The following TMEM132D variants were observed in gnomAD, a reference collection of about 807,000 sequenced individuals.
TMEM132D encodes the protein transmembrane protein 132D.
TMEM132D carries 21 observed loss-of-function variants against 62.3 expected under a neutral mutation model. The observed-to-expected ratio is 0.34, with a 90% CI of 0.24 to 0.49. The LOEUF is 0.49. TMEM132D is among the 20% of genes least tolerant of loss of function. The pLI, the probability that TMEM132D is intolerant of heterozygous loss-of-function variation, is 0.99. For synonymous variants in TMEM132D, 621 were observed against 575.6 expected (o/e 1.08, Z -1.13); for missense variants, 1,346 against 1,402.8 (o/e 0.96, Z 0.65).
rs972297820 is a variant in TMEM132D at position 129,105,550 on chromosome 12, A to T, written c.1444-20848T>A. Reference sequence around the variant, plus strand: ...CTAATACTTAAAGTATAATAATAATAAAAAAAAAGAAAAAAAAAAGAAAAA... The same window carrying T: ...CTAATACTTAAAGTATAATAATAATTAAAAAAAAGAAAAAAAAAAGAAAAA... On this transcript the variant is annotated intron_variant, in intron 5 of 8. Coordinates refer to ENST00000422113, the MANE Select transcript of TMEM132D (RefSeq NM_133448.3). Among the ~76,000 whole-genome samples the T allele has an allele frequency of 1.1e-4, 11 of 103,276 alleles. 1 individual carries two copies. The highest frequency in any genetic ancestry group is 4.3e-3 in the Middle Eastern group (1 of 234). 67.8% of individuals were successfully genotyped at this position (103,276 alleles called of 152,430 possible). A position where few individuals can be genotyped will look rare whatever the true frequency, so the allele number is the denominator to read the frequency against.
chr12:129,464,716 T>C (rs1313322608), intron 3 of TMEM132D, among the ~76,000 whole-genome samples: 1 of 152,226 alleles, frequency 6.6e-6, no homozygotes, highest in African/African-American at 2.4e-5. Context: ...CAGCACCATT[T>C]ATTAAATAGG....
chr12:129,812,564 C>T (rs1872218931), intron 1 of TMEM132D, among the ~76,000 whole-genome samples: 1 of 151,848 alleles, frequency 6.6e-6, no homozygotes, highest in Non-Finnish European at 1.5e-5. Context: ...TCTGTCTCCA[C>T]CACATCATTG....
intron 5 of TMEM132D, among the ~76,000 whole-genome samples, chr12:129,173,274 A>G (rs533786035): frequency 6.6e-6 from 1 of 152,342 alleles, no homozygotes; most frequent in Admixed American, 6.5e-5. Flanking sequence ...TATAAGATTA[A>G]TAAGCCTTGG....
rs992009777 is a variant in TMEM132D, at chr12:129,656,950, C to T, written c.968+42860G>A. ...CAATACACTATTTCTTTGAAATTTTCTCAAGAAGACAGAAATCTATCTCTT... is the reference window on the plus strand; with the variant it reads ...CAATACACTATTTCTTTGAAATTTTTTCAAGAAGACAGAAATCTATCTCTT... On this transcript the variant is annotated intron_variant, in intron 2 of 8. Coordinates refer to ENST00000422113, the MANE Select transcript of TMEM132D (RefSeq NM_133448.3). 3.3e-5 allele frequency among the ~76,000 whole-genome samples: 5 copies of T among 152,178 alleles called. No homozygotes were observed. The East Asian group carries it at 9.6e-4, about 29-fold the overall frequency.
At chr12:129,368,453 A>G (rs1239352768) in intron 3 of TMEM132D, among the ~76,000 whole-genome samples, 1 of 152,196 alleles carries the variant, frequency 6.6e-6, no homozygotes, top group East Asian at 1.9e-4. Context: ...TAATTTAAAT[A>G]CCTATTTGCA....
In TMEM132D at chr12:129,438,788, T is replaced by G. The variant is rs116359013; in HGVS notation, c.1115+92271A>C. The stretch of plus-strand genomic sequence containing the variant: ...CATGGGATAGCTCAGTGATGAGTAA[T>G]TTTAAAAAATATCCCTACATCACCA... On this transcript the variant is annotated intron_variant, in intron 3 of 8. Transcript: ENST00000422113. Among the ~76,000 whole-genome samples the G allele has an allele frequency of 8.9e-3, 1,354 of 152,292 alleles. 16 individuals carry two copies. The highest frequency in any genetic ancestry group is 0.03 in the African/African-American group (1,239 of 41,546).
At chr12:129,544,398 C>A (rs1876675734) in intron 2 of TMEM132D, among the ~76,000 whole-genome samples, 1 of 152,188 alleles carries the variant, frequency 6.6e-6, no homozygotes, top group African/African-American at 2.4e-5. Context: ...TTTTTAAAAT[C>A]ACACTATTCA....
At chr12:129,681,394 G>C (rs964176973) in intron 2 of TMEM132D, 5 of 152,194 alleles carry the variant, frequency 3.3e-5, no homozygotes, top group Non-Finnish European at 7.3e-5. Context: ...TGGTGGTATT[G>C]AGTTGCTGGA....
chr12:129,335,195 G>A (rs970592226), intron 4 of TMEM132D, among the ~76,000 whole-genome samples: 20 of 136,182 alleles, frequency 1.5e-4, no homozygotes, highest in Admixed American at 7.6e-4. Flanking sequence ...GCTGTGGTAC[G>A]TTCTTGGCTC....
At chr12:129,572,697 C>T (rs1877551295) in intron 2 of TMEM132D, among the ~76,000 whole-genome samples, 1 of 152,026 alleles carries the variant, frequency 6.6e-6, no homozygotes, top group Non-Finnish European at 1.5e-5. Flanking sequence ...GATCTGCCCG[C>T]CTCGGCTTCC....
At chr12:129,522,886 T>C (rs1050718783) in intron 3 of TMEM132D, 1 of 152,008 alleles carries the variant, frequency 6.6e-6, no homozygotes, top group Non-Finnish European at 1.5e-5. Flanking sequence ...ACAGATTAGA[T>C]ATATATGTAG....
At chr12:129,356,995 C>T (rs1593349536) in intron 3 of TMEM132D, among the ~76,000 whole-genome samples, 1 of 147,682 alleles carries the variant, frequency 6.8e-6, no homozygotes, top group African/African-American at 2.6e-5. Flanking sequence ...GTCTGTAATC[C>T]CAGCATTTCG....
At chr12:129,844,028 G>A (rs1873282744) in intron 1 of TMEM132D, among the ~76,000 whole-genome samples, 1 of 152,134 alleles carries the variant, frequency 6.6e-6, no homozygotes, top group South Asian at 2.1e-4. Context: ...TTGAGCCCAG[G>A]AGGTCAAGAC....
chr12:129,124,058 G>T (rs546620427), intron 5 of TMEM132D, among the ~76,000 whole-genome samples: 27 of 152,068 alleles, frequency 1.8e-4, no homozygotes, highest in Non-Finnish European at 4.4e-5. Context: ...ATGTGCAGCC[G>T]ACTGGTTCTG....
At chr12:129,599,259 G>C (rs184548801) in intron 2 of TMEM132D, among the ~76,000 whole-genome samples, 1 of 152,198 alleles carries the variant, frequency 6.6e-6, no homozygotes, top group South Asian at 2.1e-4. Flanking sequence ...AACCCAGTTT[G>C]AGTAGGGTTT....
intron 3 of TMEM132D, among the ~76,000 whole-genome samples, chr12:129,343,589 A>T (rs1869580946): frequency 6.6e-6 from 1 of 152,038 alleles, no homozygotes; most frequent in African/African-American, 2.4e-5. Context: ...AATAAAATTA[A>T]AAAAAAGACA....
intron 4 of TMEM132D, among the ~76,000 whole-genome samples, chr12:129,285,935 A>C (rs1881284609): frequency 6.6e-6 from 1 of 152,210 alleles, no homozygotes; most frequent in Admixed American, 6.5e-5. Context: ...AACTTTATTA[A>C]CTACTTCTCA....
chr12:129,137,900 T>C (rs957619413), intron 5 of TMEM132D, among the ~76,000 whole-genome samples: 3 of 152,078 alleles, frequency 2.0e-5, no homozygotes, highest in African/African-American at 4.8e-5. Flanking sequence ...GTTTTTTTTT[T>C]CTTTTAATGC....
At chr12:129,223,077 G>A (rs1360207286) in intron 4 of TMEM132D, among the ~76,000 whole-genome samples, 1 of 152,020 alleles carries the variant, frequency 6.6e-6, no homozygotes, top group East Asian at 2.0e-4. Context: ...AAGAGATAAT[G>A]CCTTGGTCCC....
Sources: gnomAD v4.1 joint callset for allele counts (sites outside exome capture counted in the v4.1 genomes callset) on GRCh38, gnomAD v4.1.1 for gene constraint, MANE v1.5 for transcripts, NCBI Gene and HGNC (gene_info 2026-07-23, HGNC 2026-07-21) for gene names.